PARD3: variants seen among roughly 807,000 people sequenced by gnomAD.
PARD3 encodes the protein partitioning defective 3 homolog.
Under a neutral mutation model 155.4 loss-of-function variants are expected in PARD3, and 75 were observed. The observed-to-expected ratio is 0.48, with a 90% confidence interval of 0.40 to 0.58. PARD3 has a LOEUF of 0.58. PARD3 is among the 20% of genes least tolerant of loss of function. The pLI is 0.00. For synonymous variants in PARD3, 576 were observed against 610.5 expected (o/e 0.94, Z 0.83); for missense variants, 1,642 against 1,721.7 (o/e 0.95, Z 0.82).
chr10:34,420,048 C>A (rs1461113527), intron 5 of PARD3, among the ~76,000 whole-genome samples: 6 of 152,208 alleles, frequency 3.9e-5, no homozygotes, highest in Non-Finnish European at 8.8e-5. Context: ...GCCTTCTGGG[C>A]TCAAGTGATT....
At chr10:34,249,591 TC>T (rs1564518102) in intron 22 of PARD3, among the ~76,000 whole-genome samples, 1 of 152,154 alleles carries the variant, frequency 6.6e-6, no homozygotes, top group South Asian at 2.1e-4. Context: ...TTAGCTACTC[TC>T]CCCCAAAAAA....
intron 22 of PARD3, among the ~76,000 whole-genome samples, chr10:34,259,133 T>A (rs1346662716): frequency 6.6e-6 from 1 of 151,858 alleles, no homozygotes; most frequent in Non-Finnish European, 1.5e-5. Context: ...GAACAGAGTT[T>A]CAGGAATGCC....
At chr10:34,612,078 G>C (rs905488129) in intron 2 of PARD3, among the ~76,000 whole-genome samples, 1 of 151,786 alleles carries the variant, frequency 6.6e-6, no homozygotes, top group Non-Finnish European at 1.5e-5. Context: ...CGCCCGCCTC[G>C]GCCTCCCAAA....
chr10:34,646,957 T>C (rs1350649775), intron 2 of PARD3, among the ~76,000 whole-genome samples: 1 of 152,224 alleles, frequency 6.6e-6, no homozygotes, highest in Admixed American at 6.5e-5. Flanking sequence ...CATATACCTC[T>C]GATGGTCTCA....
intron 22 of PARD3, among the ~76,000 whole-genome samples, chr10:34,224,683 A>G (rs1216615877): frequency 6.6e-6 from 1 of 152,236 alleles, no homozygotes; most frequent in African/African-American, 2.4e-5. Context: ...ATAGGGGGCC[A>G]TGAAACCCTC....
intron 4 of PARD3, among the ~76,000 whole-genome samples, chr10:34,453,351 G>C (rs961339354): frequency 2.0e-5 from 3 of 152,080 alleles, no homozygotes; most frequent in Admixed American, 6.5e-5. Flanking sequence ...TTTAACTATG[G>C]TTCTAACTTA....
chr10:34,772,342 CAAAT>C (rs1173801813), intron 1 of PARD3, among the ~76,000 whole-genome samples: 1 of 150,372 alleles, frequency 6.7e-6, no homozygotes, highest in Non-Finnish European at 1.5e-5. Flanking sequence ...ATCTCAAAAA[CAAAT>C]AAAAAATAAA....
At chr10:34,658,227 G>C (rs2093233082) in intron 2 of PARD3, among the ~76,000 whole-genome samples, 1 of 151,694 alleles carries the variant, frequency 6.6e-6, no homozygotes, top group South Asian at 2.1e-4. Context: ...TTTTGGTAAA[G>C]ATGTAAAAAT....
intron 2 of PARD3, among the ~76,000 whole-genome samples, chr10:34,650,994 AG>A (rs2092993208): frequency 7.0e-6 from 1 of 143,178 alleles, no homozygotes; most frequent in South Asian, 2.3e-4. Flanking sequence ...CTGGGCAACA[AG>A]AACGAAACTC....
At chr10:34,530,994 G>C (rs2082808601) in intron 2 of PARD3, among the ~76,000 whole-genome samples, 1 of 152,180 alleles carries the variant, frequency 6.6e-6, no homozygotes, top group South Asian at 2.1e-4. Context: ...AGTATCAATA[G>C]AACAATCTGG....
At chr10:34,336,318 C>G (rs1836182594) in intron 17 of PARD3, 75 bp from the exon 18 acceptor site, 1 of 1,101,256 alleles carries the variant, frequency 9.1e-7, no homozygotes, top group South Asian at 1.3e-5. Context: ...ATTCCCAGAT[C>G]TTTTTAGTTA....
At chr10:34,700,712 C>A (rs1181175707) in intron 1 of PARD3, among the ~76,000 whole-genome samples, 1 of 152,186 alleles carries the variant, frequency 6.6e-6, no homozygotes, top group African/African-American at 2.4e-5. Flanking sequence ...TGGCTCACAC[C>A]TATAATCCCA....
At chr10:34,282,933 T>A (rs1003464146) in intron 21 of PARD3, among the ~76,000 whole-genome samples, 3 of 152,158 alleles carry the variant, frequency 2.0e-5, no homozygotes, top group Non-Finnish European at 4.4e-5. Flanking sequence ...AATGATTTTT[T>A]AAAAATAAAA....
intron 1 of PARD3, among the ~76,000 whole-genome samples, chr10:34,770,973 A>G (rs556030466): frequency 1.3e-5 from 2 of 152,264 alleles, no homozygotes; most frequent in African/African-American, 4.8e-5. Context: ...CAAAACCCTA[A>G]AAGTCTACAG....
intron 21 of PARD3, among the ~76,000 whole-genome samples, chr10:34,271,920 A>C (rs1955628872): frequency 6.6e-6 from 1 of 152,230 alleles, no homozygotes; most frequent in Non-Finnish European, 1.5e-5. Context: ...CACTGAAATT[A>C]AAAATGCAAT....
At chr10:34,575,904 A>C (rs913629192) in intron 2 of PARD3, among the ~76,000 whole-genome samples, 9 of 152,126 alleles carry the variant, frequency 5.9e-5, no homozygotes, top group African/African-American at 1.9e-4. Context: ...CTCAAAAAAA[A>C]AGAAAAAGAA....
chr10:34,550,342 G>A (rs1013277891), intron 2 of PARD3, among the ~76,000 whole-genome samples: 1 of 152,132 alleles, frequency 6.6e-6, no homozygotes, highest in African/African-American at 2.4e-5. Context: ...CTCCCAGGTA[G>A]CTGGGACTAC....
chr10:34,484,208 G>A (rs1269955083), intron 3 of PARD3, among the ~76,000 whole-genome samples: 2 of 152,188 alleles, frequency 1.3e-5, no homozygotes, highest in Non-Finnish European at 2.9e-5. Flanking sequence ...TTAGTCAAGT[G>A]ACTCAAACTG....
intron 23 of PARD3, among the ~76,000 whole-genome samples, chr10:34,120,563 T>C (rs1219741690): frequency 6.6e-6 from 1 of 152,162 alleles, no homozygotes; most frequent in African/African-American, 2.4e-5. Flanking sequence ...GGATACAGTA[T>C]AGCTGATTCC....
Sources: allele counts gnomAD v4.1 joint callset (sites outside exome capture counted in the v4.1 genomes callset), GRCh38; gene constraint gnomAD v4.1.1; transcripts MANE v1.5; gene names NCBI Gene and HGNC (gene_info 2026-07-23, HGNC 2026-07-21).